Variants in CHRM3 observed in about 807,000 individuals in gnomAD.
The protein encoded by CHRM3 is cholinergic receptor muscarinic 3, also known as muscarinic acetylcholine receptor M3.
Under a neutral mutation model 41.8 loss-of-function variants are expected in CHRM3, and 11 were observed. The ratio of observed to expected loss-of-function variants is 0.26; its 90% CI spans 0.17 to 0.44. The LOEUF is 0.44. CHRM3 is among the 20% of genes least tolerant of loss of function. The pLI, the probability that CHRM3 is intolerant of heterozygous loss-of-function variation, is 1.00. For synonymous variants in CHRM3, 297 were observed against 301.4 expected (o/e 0.99, Z 0.15); for missense variants, 571 against 745.4 (o/e 0.77, Z 2.72).
chr1:239,643,938 G>C (rs557235215), intron 4 of CHRM3, among the ~76,000 whole-genome samples: 4 of 152,182 alleles, frequency 2.6e-5, no homozygotes, highest in Non-Finnish European at 5.9e-5. Context: ...GTCACTATCT[G>C]TGTGATGCTT....
intron 6 of CHRM3, among the ~76,000 whole-genome samples, chr1:239,832,507 C>A (rs1672974217): frequency 6.6e-6 from 1 of 152,016 alleles, no homozygotes; most frequent in Non-Finnish European, 1.5e-5. Context: ...CAAACTGTTA[C>A]CGGGAAGGGG....
At chr1:239,744,094 G>A (rs184617928) in intron 5 of CHRM3, among the ~76,000 whole-genome samples, 1 of 151,620 alleles carries the variant, frequency 6.6e-6, no homozygotes, top group African/African-American at 2.4e-5. Context: ...ATAGGTATGA[G>A]CCACTGTGTC....
rs117218246 is a variant in CHRM3 at position 239,616,414 on chromosome 1, C to T, written c.-312-15810C>T. On this transcript the variant is annotated intron_variant, in intron 3 of 6. Coordinates refer to ENST00000676153, the MANE Select transcript of CHRM3 (RefSeq NM_001375978.1). ...AGTTTCTTTTCAGGCACCCCTTCCT[C>T]GGTGCCTTTGATCTATAGAGCCAGG... Among the ~76,000 whole-genome samples, 953 of 152,264 alleles carry T rather than the reference C, an allele frequency of 6.3e-3. 30 individuals carry two copies. The East Asian group carries it at 0.09, about 14-fold the overall frequency.
intron 6 of CHRM3, among the ~76,000 whole-genome samples, chr1:239,864,288 C>T (rs1356430995): frequency 1.3e-5 from 2 of 152,124 alleles, no homozygotes; most frequent in Non-Finnish European, 2.9e-5. Flanking sequence ...GGGCAGATCA[C>T]CCGAGGTCGA....
chr1:239,868,248 C>T (rs536802965), intron 6 of CHRM3, among the ~76,000 whole-genome samples: 35 of 152,300 alleles, frequency 2.3e-4, no homozygotes, highest in African/African-American at 8.4e-4. Context: ...AGTGGCCTCT[C>T]GTGACCTTCG....
In CHRM3 at chr1:239,407,657, G is replaced by A. The variant is rs183590377; in HGVS notation, c.-521+20430G>A. Among the ~76,000 whole-genome samples the A allele has an allele frequency of 2.6e-5, 4 of 151,946 alleles. No individual in the cohort carries two copies. In the East Asian group the frequency reaches 7.7e-4, roughly 29 times the overall value. On this transcript the variant is annotated intron_variant, in intron 1 of 6. Transcript: ENST00000676153. ...GCTGTCACTCACAATAAATTATAGC[G>A]TGGTACACCTGAAGAACAATGAACT...
intron 1 of CHRM3, among the ~76,000 whole-genome samples, chr1:239,490,606 G>C (rs1450516280): frequency 1.3e-5 from 2 of 151,952 alleles, no homozygotes; most frequent in Non-Finnish European, 2.9e-5. Flanking sequence ...GTCTTACTCT[G>C]TCTCCCAGTC....
At chr1:239,741,936 C>G (rs1476068634) in intron 5 of CHRM3, among the ~76,000 whole-genome samples, 2 of 152,170 alleles carry the variant, frequency 1.3e-5, no homozygotes, top group African/African-American at 4.8e-5. Context: ...GAGGTAAAGT[C>G]AGCCCCATGC....
chr1:239,474,480 A>T (rs1004496820), intron 1 of CHRM3, among the ~76,000 whole-genome samples: 1 of 148,582 alleles, frequency 6.7e-6, no homozygotes, highest in Admixed American at 6.7e-5. Context: ...ATATGTGTGT[A>T]TATGTTTGTG....
chr1:239,836,240 C>A (rs576693325), intron 6 of CHRM3, among the ~76,000 whole-genome samples: 1 of 152,300 alleles, frequency 6.6e-6, no homozygotes, highest in South Asian at 2.1e-4. Flanking sequence ...CCCACAGCTA[C>A]TTCAAAAACA....
intron 5 of CHRM3, among the ~76,000 whole-genome samples, chr1:239,788,965 A>G (rs1200829631): frequency 6.6e-6 from 1 of 152,242 alleles, no homozygotes; most frequent in Non-Finnish European, 1.5e-5. Context: ...CTAAAATCCC[A>G]GTGGATTAAA....
intron 3 of CHRM3, among the ~76,000 whole-genome samples, chr1:239,587,237 A>G (rs1253947991): frequency 6.6e-6 from 1 of 152,194 alleles, no homozygotes; most frequent in Non-Finnish European, 1.5e-5. Flanking sequence ...TTGCAGATCC[A>G]CGTACTTGCC....
intron 2 of CHRM3, among the ~76,000 whole-genome samples, chr1:239,522,170 A>G (rs1018317672): frequency 2.0e-5 from 3 of 152,154 alleles, no homozygotes; most frequent in African/African-American, 7.2e-5. Context: ...GTGGTGTGCA[A>G]TTTCCAAACC....
intron 1 of CHRM3, among the ~76,000 whole-genome samples, chr1:239,436,335 C>T (rs1375589938): frequency 1.3e-5 from 2 of 152,188 alleles, no homozygotes; most frequent in South Asian, 2.1e-4. Flanking sequence ...CCTGGGATCC[C>T]GTTGGTCCTG....
intron 5 of CHRM3, among the ~76,000 whole-genome samples, chr1:239,760,432 C>T (rs1666659244): frequency 6.6e-6 from 1 of 152,012 alleles, no homozygotes; most frequent in African/African-American, 2.4e-5. Flanking sequence ...CCTCTTTGAT[C>T]GTCCACTAAC....
At chr1:239,788,900 G>T (rs1340303625) in intron 5 of CHRM3, among the ~76,000 whole-genome samples, 1 of 152,136 alleles carries the variant, frequency 6.6e-6, no homozygotes, top group African/African-American at 2.4e-5. Context: ...TCTTTGAAAG[G>T]ATATTTAATG....
At chr1:239,804,080 A>G (rs1267526441) in intron 5 of CHRM3, among the ~76,000 whole-genome samples, 1 of 152,206 alleles carries the variant, frequency 6.6e-6, no homozygotes, top group Non-Finnish European at 1.5e-5. Flanking sequence ...GAGAGGCAGC[A>G]TGTCCCTTCT....
intron 5 of CHRM3, among the ~76,000 whole-genome samples, chr1:239,735,632 C>G (rs1296345055): frequency 6.6e-6 from 1 of 152,074 alleles, no homozygotes; most frequent in Non-Finnish European, 1.5e-5. Flanking sequence ...GTATAAGTTG[C>G]TGCTCCATTT....
intron 3 of CHRM3, among the ~76,000 whole-genome samples, chr1:239,584,023 C>T (rs61121337): frequency 0.11 from 16,007 of 151,922 alleles, 890 homozygotes; most frequent in African/African-American, 0.13. Context: ...TCCTTCACCT[C>T]CTCCCAGACT....
Sources: gnomAD v4.1 joint callset for allele counts (sites outside exome capture counted in the v4.1 genomes callset) on GRCh38, gnomAD v4.1.1 for gene constraint, MANE v1.5 for transcripts, NCBI Gene and HGNC (gene_info 2026-07-23, HGNC 2026-07-21) for gene names.